Variants in KDM7A observed in about 807,000 individuals in gnomAD.
KDM7A encodes the protein lysine-specific demethylase 7A.
Under a neutral mutation model 114.8 loss-of-function variants are expected in KDM7A, and 28 were observed. The ratio of observed to expected loss-of-function variants is 0.24; its 90% confidence interval spans 0.18 to 0.33. The LOEUF (loss-of-function observed/expected upper bound fraction) is 0.33. KDM7A is among the 10% of genes least tolerant of loss of function. The pLI, the probability that KDM7A is intolerant of heterozygous loss-of-function variation, is 1.00. For missense variants in KDM7A, 942 were observed against 1,142.5 expected, an observed-to-expected ratio of 0.82 and a Z score of 2.53; for synonymous variants, 423 against 397.8, an observed-to-expected ratio of 1.06 and a Z score of -0.75.
chr7:140,145,771 T>A (rs1277947174), intron 1 of KDM7A, among the ~76,000 whole-genome samples: 1 of 152,124 alleles, frequency 6.6e-6, no homozygotes, highest in Non-Finnish European at 1.5e-5. Context: ...TCCTCACTCC[T>A]AAGAAGTGAC....
intron 1 of KDM7A, among the ~76,000 whole-genome samples, chr7:140,172,647 C>T (rs1794658950): frequency 6.7e-6 from 1 of 150,310 alleles, no homozygotes; most frequent in Non-Finnish European, 1.5e-5. Flanking sequence ...AGCGAAACTC[C>T]GTCTCAAAAA....
rs149286357 is a variant in KDM7A, at chr7:140,147,273, C to G, written c.195-8083G>C. ...CTCTCAATACCAAGTACAAGATGATCACAGTAAATTTTTGTTGACTATTAA... is the reference window on the plus strand; with the variant it reads ...CTCTCAATACCAAGTACAAGATGATGACAGTAAATTTTTGTTGACTATTAA... On this transcript the variant is annotated intron_variant, in intron 1 of 19. Coordinates refer to ENST00000397560, the MANE Select transcript of KDM7A (RefSeq NM_030647.2). 4.6e-3 allele frequency among the ~76,000 whole-genome samples: 697 copies of G among 152,206 alleles called. 8 individuals are homozygous for G. Among genetic ancestry groups the G allele is most frequent in the African/African-American group, 0.015 (641 of 41,528 alleles).
At position 140,091,056 on chromosome 7, in the gene KDM7A, G is replaced by T; in HGVS notation, c.*38C>A. On this transcript the variant is annotated 3_prime_UTR_variant, in exon 20 of 20. Coordinates refer to ENST00000397560, the MANE Select transcript of KDM7A (RefSeq NM_030647.2). ...CTCCAGGCTCCTGCACCCCTAGACTGGTCTCCAAAGGGAAGAATGGCTGCA... is the reference window on the plus strand; with the variant it reads ...CTCCAGGCTCCTGCACCCCTAGACTTGTCTCCAAAGGGAAGAATGGCTGCA... 6.8e-7 allele frequency: 1 copy of T among 1,467,598 alleles called. No individual in the cohort carries two copies. Among genetic ancestry groups the T allele is most frequent in the Non-Finnish European group, 9.6e-7 (1 of 1,046,146 alleles). The allele number at this position is 1,467,598 out of a possible 1,614,324, so 90.9% of individuals were successfully genotyped here.
chr7:140,095,140 G>A (rs1462546313), intron 17 of KDM7A, among the ~76,000 whole-genome samples: 3 of 152,188 alleles, frequency 2.0e-5, no homozygotes, highest in Admixed American at 6.5e-5. Flanking sequence ...GAACCACTGC[G>A]CCCAGTGATC....
In KDM7A at chr7:140,144,816, C is replaced by T. The variant is rs533045250; in HGVS notation, c.195-5626G>A. On this transcript the variant is annotated intron_variant, in intron 1 of 19. Transcript: ENST00000397560. ...GTTTGGGTCATAGGGGCAGATCCCT[C>T]AGGAATGTCTTGTGCTGTCCTAGGG... Among the ~76,000 whole-genome samples, 8 of 152,242 alleles carry T rather than the reference C, an allele frequency of 5.3e-5. No homozygotes were observed. In the East Asian group the frequency reaches 1.4e-3, roughly 26 times the overall value.
At chr7:140,165,464 A>T (rs1445875737) in intron 1 of KDM7A, among the ~76,000 whole-genome samples, 2 of 152,272 alleles carry the variant, frequency 1.3e-5, no homozygotes, top group Middle Eastern at 3.4e-3. Flanking sequence ...TCCCCTCCTT[A>T]TTTGTGGTTT....
chr7:140,150,628 ACAG>A (rs1794389108), intron 1 of KDM7A, among the ~76,000 whole-genome samples: 2 of 152,230 alleles, frequency 1.3e-5, no homozygotes, highest in Admixed American at 1.3e-4. Context: ...GAAATTGGTA[ACAG>A]CAGTTGCCTC....
chr7:140,156,695 C>T (rs1794461669), intron 1 of KDM7A, among the ~76,000 whole-genome samples: 1 of 152,222 alleles, frequency 6.6e-6, no homozygotes, highest in Admixed American at 6.5e-5. Flanking sequence ...AGGCATAATG[C>T]CCCAGCATTT....
rs148430726 is a variant in KDM7A, at chr7:140,167,889, C to T, written c.194+8855G>A. On this transcript the variant is annotated intron_variant, in intron 1 of 19. Transcript: ENST00000397560. ...CATTTACCACAAACAGCTAGTACCC[C>T]TAATATGTAAAAAGTCCTTAAATAT... Among the ~76,000 whole-genome samples, 795 of 152,044 alleles carry T rather than the reference C, an allele frequency of 5.2e-3. 5 individuals carry two copies. Among genetic ancestry groups the T allele is most frequent in the African/African-American group, 0.018 (763 of 41,500 alleles).
At chr7:140,095,654 G>C (rs535771829) in intron 17 of KDM7A, 1 of 282,884 alleles carries the variant, frequency 3.5e-6, no homozygotes, top group East Asian at 1.6e-4. Flanking sequence ...GAGGCAGGAG[G>C]ATCACTTGAG....
At chr7:140,110,497 C>T (rs1818413122) in intron 11 of KDM7A, among the ~76,000 whole-genome samples, 1 of 152,102 alleles carries the variant, frequency 6.6e-6, no homozygotes, top group African/African-American at 2.4e-5. Flanking sequence ...CATCAGCTGG[C>T]CTCCATTCCT....
chr7:140,125,546 T>C (rs1173964337), intron 6 of KDM7A, among the ~76,000 whole-genome samples: 1 of 152,218 alleles, frequency 6.6e-6, no homozygotes, highest in Non-Finnish European at 1.5e-5. Context: ...GCAAGGTGAA[T>C]ATAAATTGCA....
At chr7:140,117,913 C>T (rs1396557936) in intron 9 of KDM7A, among the ~76,000 whole-genome samples, 2 of 152,358 alleles carry the variant, frequency 1.3e-5, no homozygotes, top group African/African-American at 2.4e-5. Context: ...CTATCCCATA[C>T]ACCAGAAGCA....
chr7:140,151,823 C>T (rs1163641883), intron 1 of KDM7A, among the ~76,000 whole-genome samples: 1 of 152,180 alleles, frequency 6.6e-6, no homozygotes, highest in African/African-American at 2.4e-5. Flanking sequence ...GCATCTGAAA[C>T]TCTCCAATCC....
At chr7:140,099,536 CTGGTACCAGTCCGTGGCCTGTT>C (rs1291375440) in intron 13 of KDM7A, among the ~76,000 whole-genome samples, 4 of 152,136 alleles carry the variant, frequency 2.6e-5, no homozygotes, top group Non-Finnish European at 5.9e-5. Flanking sequence ...GGGCCATAGA[CTGGTACCAGTCCGTGGCCTGTT>C]AGGAACCAGG....
At chr7:140,122,399 C>T (rs1818630304) in intron 7 of KDM7A, among the ~76,000 whole-genome samples, 1 of 150,636 alleles carries the variant, frequency 6.6e-6, no homozygotes, top group Admixed American at 6.6e-5. Context: ...TTAGAAATAC[C>T]TAACATAAAA....
intron 18 of KDM7A, 85 bp downstream of exon 18, chr7:140,093,971 G>A (rs1818063235): frequency 1.2e-6 from 1 of 838,024 alleles, no homozygotes; most frequent in Admixed American, 1.7e-5. Flanking sequence ...TTGATAACTG[G>A]TTGTTACAGT....
chr7:140,117,155 A>G (rs543112214), intron 9 of KDM7A, among the ~76,000 whole-genome samples: 1 of 152,352 alleles, frequency 6.6e-6, no homozygotes, highest in Non-Finnish European at 1.5e-5. Context: ...CAGGTATTCT[A>G]CACTGATCTG....
chr7:140,174,751 C>T (rs1794683190), intron 1 of KDM7A, among the ~76,000 whole-genome samples: 1 of 152,064 alleles, frequency 6.6e-6, no homozygotes, highest in African/African-American at 2.4e-5. Flanking sequence ...CAGACATGCA[C>T]CACCACGCCC....
Sources: allele counts gnomAD v4.1 joint callset (sites outside exome capture counted in the v4.1 genomes callset), GRCh38; gene constraint gnomAD v4.1.1; transcripts MANE v1.5; gene names NCBI Gene and HGNC (gene_info 2026-07-23, HGNC 2026-07-21).